WNK2: variants seen among roughly 807,000 people sequenced by gnomAD.
The protein encoded by WNK2 is WNK lysine deficient protein kinase 2, also known as serine/threonine-protein kinase WNK2.
In WNK2, 67 loss-of-function variants were observed where a neutral mutation model predicts 192.1. The observed-to-expected ratio is 0.35, with a 90% CI of 0.29 to 0.43. The LOEUF (loss-of-function observed/expected upper bound fraction) is 0.43, where lower values mean the gene tolerates loss of function less well. Ranked by LOEUF, WNK2 falls within the 20% of genes least tolerant of loss-of-function variation. WNK2 has a pLI of 1.00. For missense variants in WNK2, 2,698 were observed against 3,089.7 expected (o/e 0.87, Z 3.01); for synonymous variants, 1,439 against 1,393.9 (o/e 1.03, Z -0.72).
At position 93,292,838 on chromosome 9, in the gene WNK2, G is replaced by A. The variant is rs773766157; in HGVS notation, c.5373G>A (p.Ala1791=). ...SPDVKLAVRR[A]QTASSIEVGV... Reference sequence around the variant, plus strand: ...ACGTGAAGCTGGCAGTGCGGCGGGCGCAGACGGCCTCCTCCATCGAGGTCG... The same window carrying A: ...ACGTGAAGCTGGCAGTGCGGCGGGCACAGACGGCCTCCTCCATCGAGGTCG... The change falls in exon 23 of 30, where the codon GCG becomes GCA. Residue 1791 remains alanine, a synonymous_variant. Transcript: ENST00000427277. 6.0e-6 allele frequency: 9 copies of A among 1,502,186 alleles called. No individual in the cohort carries two copies. Among genetic ancestry groups the A allele is most frequent in the South Asian group, 2.6e-5 (2 of 77,646 alleles). The allele number at this position is 1,502,186 out of a possible 1,614,324, so 93.1% of individuals were successfully genotyped here.
intron 5 of WNK2, among the ~76,000 whole-genome samples, chr9:93,237,821 A>C (rs1215498767): frequency 6.6e-6 from 1 of 151,198 alleles, no homozygotes. Context: ...TCCTCAGCAA[A>C]GGCTGGAGGG....
chr9:93,312,291 T>A (rs1448840739), intron 28 of WNK2, among the ~76,000 whole-genome samples: 1 of 152,232 alleles, frequency 6.6e-6, no homozygotes, highest in Non-Finnish European at 1.5e-5. Context: ...AAATCCAGTG[T>A]TGTGAAACCT....
intron 19 of WNK2, among the ~76,000 whole-genome samples, chr9:93,288,373 A>G (rs1438101933): frequency 6.6e-6 from 1 of 152,200 alleles, no homozygotes; most frequent in Non-Finnish European, 1.5e-5. Flanking sequence ...AATTTCATTG[A>G]ATAACTTTTG....
rs921944680 is a variant in WNK2, at chr9:93,290,395, C to T, written c.4936+348C>T. On this transcript the variant is annotated intron_variant, in intron 21 of 29. Transcript: ENST00000427277. ...ATTGTTAGTGTATCTCATGTGTGAC[C>T]CAAGACAATTCTTCATCTTCCAATG... Among the ~76,000 whole-genome samples, 10 of 151,850 alleles carry T rather than the reference C, an allele frequency of 6.6e-5. No homozygotes were observed. The East Asian group carries it at 1.4e-3, about 21-fold the overall frequency.
chr9:93,272,923 G>A (rs1311930329), intron 19 of WNK2, among the ~76,000 whole-genome samples: 1 of 152,068 alleles, frequency 6.6e-6, no homozygotes, highest in African/African-American at 2.4e-5. Context: ...AAATGATTAT[G>A]AGAATGGATT....
chr9:93,215,270 C>T (rs927208612), intron 2 of WNK2, among the ~76,000 whole-genome samples: 5 of 152,098 alleles, frequency 3.3e-5, no homozygotes, highest in African/African-American at 1.2e-4. Flanking sequence ...AGCCACCATG[C>T]CCAGCTGATT....
chr9:93,226,480 T>C (rs1312570226), intron 2 of WNK2, among the ~76,000 whole-genome samples: 2 of 152,108 alleles, frequency 1.3e-5, no homozygotes, highest in South Asian at 4.1e-4. Flanking sequence ...ATATGAAAAA[T>C]TGAAGGGTGA....
intron 24 of WNK2, among the ~76,000 whole-genome samples, chr9:93,298,407 C>T (rs1588540474): frequency 6.6e-6 from 1 of 152,230 alleles, no homozygotes; most frequent in Admixed American, 6.5e-5. Context: ...GTGGCTGCTT[C>T]CTTTGACCCA....
At chr9:93,230,550 G>C (rs1033369033) in intron 3 of WNK2, among the ~76,000 whole-genome samples, 1 of 152,198 alleles carries the variant, frequency 6.6e-6, no homozygotes, top group Non-Finnish European at 1.5e-5. Context: ...CTGAGCATCT[G>C]CTGGCTGGTA....
intron 21 of WNK2, among the ~76,000 whole-genome samples, chr9:93,290,432 A>G (rs1199693072): frequency 6.6e-6 from 1 of 152,132 alleles, no homozygotes; most frequent in African/African-American, 2.4e-5. Flanking sequence ...GGTGCAGGGA[A>G]GCCAAAAGAC....
At chr9:93,302,108 C>T (rs1851711420) in intron 26 of WNK2, among the ~76,000 whole-genome samples, 1 of 152,238 alleles carries the variant, frequency 6.6e-6, no homozygotes, top group South Asian at 2.1e-4. Context: ...ACTGGCACAT[C>T]TGCTGCTCAT....
At position 93,289,523 on chromosome 9, in the gene WNK2, G is replaced by A; in HGVS notation, c.4769G>A (p.Gly1590Glu). ...DRDFTLEPLR[G>E]DQPRSEVCGG... ...GACTTCACCCTGGAGCCCCTGAGAG[G>A]GGACCAGCCCCGCTCAGAGGTCTGC... Residue 1590 changes from glycine (G) to glutamate (E), a missense_variant, in exon 20 of 30, where the codon GGG (glycine) becomes GAG (glutamate). Around this residue, in one of 7 missense-constraint regions of WNK2, gnomAD observed 1,098 missense variants for 1,101.0 expected, o/e 1.00. Transcript: ENST00000427277. 1 of 1,601,400 alleles carries A rather than the reference G, an allele frequency of 6.2e-7. No homozygotes were observed. Among genetic ancestry groups the A allele is most frequent in the Non-Finnish European group, 8.5e-7 (1 of 1,171,956 alleles).
At chr9:93,275,531 C>T (rs1393470832) in intron 19 of WNK2, among the ~76,000 whole-genome samples, 1 of 152,194 alleles carries the variant, frequency 6.6e-6, no homozygotes, top group African/African-American at 2.4e-5. Flanking sequence ...AATGTGTTCT[C>T]CCTAAGATTG....
intron 26 of WNK2, among the ~76,000 whole-genome samples, chr9:93,300,832 G>A (rs966044870): frequency 6.6e-6 from 1 of 152,216 alleles, no homozygotes; most frequent in Non-Finnish European, 1.5e-5. Flanking sequence ...GGTCCCCTTT[G>A]TCATTGCTCC....
intron 7 of WNK2, among the ~76,000 whole-genome samples, chr9:93,242,859 G>A (rs1250890509): frequency 1.3e-5 from 2 of 152,230 alleles, no homozygotes; most frequent in African/African-American, 2.4e-5. Flanking sequence ...GCAAGGATAG[G>A]AGGACATTTG....
chr9:93,243,726 C>T (rs1202863136), intron 7 of WNK2, among the ~76,000 whole-genome samples: 2 of 152,218 alleles, frequency 1.3e-5, no homozygotes, highest in Non-Finnish European at 1.5e-5. Context: ...CCTATGGGGC[C>T]TTTCCAGGTT....
At position 93,239,007 on chromosome 9, in the gene WNK2, A is replaced by G. The variant is rs1287965650; in HGVS notation, c.1322+686A>G. Among the ~76,000 whole-genome samples the G allele has an allele frequency of 2.6e-5, 4 of 152,200 alleles. No homozygotes were observed. The highest frequency in any genetic ancestry group is 9.7e-5 in the African/African-American group (4 of 41,450). On this transcript the variant is annotated intron_variant, in intron 6 of 29. Transcript: ENST00000427277. This position sits in a 1 kb window ranked among gnomAD's most constrained non-coding sequence, Gnocchi z 4.2. ...AACTACACAGGTGACTCTGGAGCAC[A>G]CACAGAGGAAGCCAGGCCCCAAAGA...
chr9:93,211,353 T>G (rs1187125245), intron 2 of WNK2, among the ~76,000 whole-genome samples: 1 of 137,710 alleles, frequency 7.3e-6, no homozygotes, highest in Non-Finnish European at 1.5e-5. Flanking sequence ...CATTCACTCA[T>G]CTACTCACTC....
At position 93,239,706 on chromosome 9, in the gene WNK2, C is replaced by G; in HGVS notation, c.1323-51C>G. On this transcript the variant is annotated intron_variant, in intron 6 of 29. Coordinates refer to ENST00000427277, the MANE Select transcript of WNK2 (RefSeq NM_006648.4). This position sits in a 1 kb window ranked among gnomAD's most constrained non-coding sequence, Gnocchi z 4.2. ...GTGCGCATGGACACAGGAGCCTGGG[C>G]ATGGAGGCCCTGGCGCCCGTGCCCC... 1 of 1,498,368 alleles carries G rather than the reference C, an allele frequency of 6.7e-7. No individual in the cohort carries two copies. The highest frequency in any genetic ancestry group is 1.4e-5 in the African/African-American group (1 of 72,124). The allele number at this position is 1,498,368 out of a possible 1,614,324, so 92.8% of individuals were successfully genotyped here.
Sources: allele counts gnomAD v4.1 joint callset (sites outside exome capture counted in the v4.1 genomes callset), GRCh38; gene constraint gnomAD v4.1.1; regional missense constraint gnomAD v4.1.1; non-coding constraint Gnocchi (gnomAD v3.1); transcripts MANE v1.5; gene names NCBI Gene and HGNC (gene_info 2026-07-23, HGNC 2026-07-21).